Variants in WDR27 observed in about 807,000 individuals in gnomAD.
WDR27 encodes WD repeat domain 27, also known as WD repeat-containing protein 27.
A neutral mutation model predicts 114.4 loss-of-function variants in WDR27; 100 were observed. That is an observed-to-expected ratio of 0.87 (90% CI 0.74 to 1.03). The LOEUF (loss-of-function observed/expected upper bound fraction) is 1.03, where lower values mean the gene tolerates loss of function less well. Among genes scored for constraint, WDR27 ranks in the 50% least tolerant of loss-of-function variants. The probability of loss-of-function intolerance (pLI) is 0.00; values close to 1 mark genes in which losing one functional copy is unlikely to be tolerated. For synonymous variants in WDR27, 449 were observed against 423.1 expected (o/e 1.06, Z -0.75); for missense variants, 1,129 against 1,092.9 (o/e 1.03, Z -0.47).
In WDR27 at chr6:169,659,620, C is replaced by A; in HGVS notation, c.1130-102G>T. On this transcript the variant is annotated intron_variant, in intron 10 of 25. Transcript: ENST00000448612. The surrounding 1 kb of genome is among the most constrained non-coding windows in gnomAD (Gnocchi z 4.3). ...CCACCACACACAGCCCAGAGCCCACCACACACAGTCCAGGCCCCACCACAC... is the reference window on the plus strand; with the variant it reads ...CCACCACACACAGCCCAGAGCCCACAACACACAGTCCAGGCCCCACCACAC... The A allele has an allele frequency of 9.1e-7, 1 of 1,103,960 alleles. No individual in the cohort carries two copies. The highest frequency in any genetic ancestry group is 1.3e-6 in the Non-Finnish European group (1 of 750,712). 68.4% of individuals were successfully genotyped at this position (1,103,960 alleles called of 1,614,324 possible). A position where few individuals can be genotyped will look rare whatever the true frequency, so the allele number is the denominator to read the frequency against.
intron 2 of WDR27, among the ~76,000 whole-genome samples, chr6:169,678,269 G>A (rs560019441): frequency 2.1e-3 from 315 of 152,350 alleles, no homozygotes; most frequent in African/African-American, 6.9e-3. Flanking sequence ...CCCAGGCCTT[G>A]GGAGTCCACC....
rs749979037 is a variant in WDR27, at chr6:169,636,453, C to T, written c.1921G>A (p.Asp641Asn). The change falls in exon 19 of 26, where the codon GAT becomes AAT. Residue 641 changes from aspartate to asparagine, a missense_variant. Asp to Asn is a conservative substitution (Grantham distance 23). Transcript: ENST00000448612. ...PIQSAQFYYI[D>N]AFILLSSGPE... ...CCAGAAGATAACAATATAAAGGCAT[C>T]TATATAATAGAACTGTGCAGACTGT... The T allele has an allele frequency of 1.2e-6, 2 of 1,613,746 alleles. No individual in the cohort carries two copies. Among genetic ancestry groups the T allele is most frequent in the Non-Finnish European group, 1.7e-6 (2 of 1,179,766 alleles).
intron 17 of WDR27, among the ~76,000 whole-genome samples, chr6:169,642,527 G>C (rs1485351083): frequency 6.6e-6 from 1 of 152,166 alleles, no homozygotes; most frequent in Non-Finnish European, 1.5e-5. Context: ...ATAGATATGA[G>C]GTGGGACCAG....
chr6:169,680,339 T>C (rs918495387), intron 2 of WDR27, among the ~76,000 whole-genome samples: 5 of 152,140 alleles, frequency 3.3e-5, no homozygotes, highest in Non-Finnish European at 2.9e-5. Context: ...TCCAAGTACT[T>C]TGGGAGGCCG....
intron 25 of WDR27, among the ~76,000 whole-genome samples, chr6:169,570,953 C>T (rs1199087954): frequency 1.3e-5 from 2 of 152,238 alleles, no homozygotes; most frequent in South Asian, 2.1e-4. Context: ...CTTGCCCTCT[C>T]GGCCAGGCCC....
At chr6:169,514,919 A>C (rs892099253) in intron 25 of WDR27, among the ~76,000 whole-genome samples, 5 of 151,936 alleles carry the variant, frequency 3.3e-5, no homozygotes, top group African/African-American at 1.2e-4. Flanking sequence ...TTAAAAATAA[A>C]TCTACAGCAA....
chr6:169,636,244 A>C (rs1179255584), intron 19 of WDR27, 127 bp downstream of exon 19: 4 of 1,101,828 alleles, frequency 3.6e-6, no homozygotes, highest in Non-Finnish European at 5.1e-6. Flanking sequence ...TCTCATCAAG[A>C]GTTTGGTGAT....
chr6:169,662,608 G>A (rs1477164563), intron 8 of WDR27, among the ~76,000 whole-genome samples, 184 bp from the exon 9 acceptor site: 1 of 146,902 alleles, frequency 6.8e-6, no homozygotes, highest in African/African-American at 2.5e-5. Context: ...GAGTCACTCG[G>A]ATCACGCGTC....
At chr6:169,694,702 G>A (rs1463249188) in intron 1 of WDR27, among the ~76,000 whole-genome samples, 2 of 152,212 alleles carry the variant, frequency 1.3e-5, no homozygotes, top group South Asian at 4.1e-4. Context: ...CAGCTTCACC[G>A]ACACCGTCAG....
chr6:169,639,463 GAAGAA>G (rs768684221), intron 17 of WDR27, among the ~76,000 whole-genome samples: 2 of 149,462 alleles, frequency 1.3e-5, no homozygotes, highest in Non-Finnish European at 3.0e-5. Flanking sequence ...TGTCAACGTT[GAAGAA>G]AAAAGTGAAA....
intron 25 of WDR27, among the ~76,000 whole-genome samples, chr6:169,543,755 A>T (rs1299065905): frequency 6.6e-6 from 1 of 152,172 alleles, no homozygotes; most frequent in Non-Finnish European, 1.5e-5. Context: ...CATGATGAGT[A>T]TATATTTCCT....
intron 25 of WDR27, among the ~76,000 whole-genome samples, chr6:169,461,767 G>C (rs996063853): frequency 5.3e-5 from 8 of 150,958 alleles, no homozygotes; most frequent in African/African-American, 1.9e-4. Flanking sequence ...AGAAAGATCA[G>C]AGCAAAAATA....
At chr6:169,582,328 A>G (rs986772002) in intron 24 of WDR27, among the ~76,000 whole-genome samples, 12 of 152,202 alleles carry the variant, frequency 7.9e-5, no homozygotes, top group African/African-American at 2.9e-4. Flanking sequence ...ATTTTAATAG[A>G]AGACCATTCA....
intron 21 of WDR27, among the ~76,000 whole-genome samples, chr6:169,630,707 A>T (rs540475028): frequency 2.2e-4 from 34 of 152,308 alleles, no homozygotes; most frequent in Non-Finnish European, 3.7e-4. Context: ...TAGCCCGGCC[A>T]ACATGGTGAA....
rs145037400 is a variant in WDR27, at chr6:169,564,481, G to A, written c.2645+7938C>T. Among the ~76,000 whole-genome samples, 288 of 152,306 alleles carry A rather than the reference G, an allele frequency of 1.9e-3. 4 individuals are homozygous for A. Among genetic ancestry groups the A allele is most frequent in the African/African-American group, 6.6e-3 (273 of 41,562 alleles). On this transcript the variant is annotated intron_variant, in intron 25 of 25. Transcript: ENST00000448612. ...CACCATCACGGTGGCACAGGGCAGC[G>A]GCAGGCAACACGAGGCTGTGAGAGC...
chr6:169,653,414 G>C (rs1367155207), intron 13 of WDR27, among the ~76,000 whole-genome samples: 1 of 152,162 alleles, frequency 6.6e-6, no homozygotes, highest in Non-Finnish European at 1.5e-5. Context: ...AAAATGGCAA[G>C]TTTTATTTTA....
At chr6:169,644,500 A>C (rs990000456) in intron 16 of WDR27, among the ~76,000 whole-genome samples, 4 of 146,162 alleles carry the variant, frequency 2.7e-5, no homozygotes, top group Admixed American at 2.0e-4. Context: ...GTCACACTGT[A>C]GAAAAGCCTA....
At chr6:169,472,494 T>C (rs1458062415) in intron 25 of WDR27, among the ~76,000 whole-genome samples, 3 of 152,224 alleles carry the variant, frequency 2.0e-5, no homozygotes, top group Non-Finnish European at 4.4e-5. Context: ...TTTAGGACAA[T>C]TATTGGGGTA....
chr6:169,491,866 C>G (rs1413503331), intron 25 of WDR27, among the ~76,000 whole-genome samples: 2 of 151,816 alleles, frequency 1.3e-5, no homozygotes, highest in Non-Finnish European at 2.9e-5. Flanking sequence ...CATGAGGTCC[C>G]AAAGACTTTG....
Sources: gnomAD v4.1 joint callset for allele counts (sites outside exome capture counted in the v4.1 genomes callset) on GRCh38, gnomAD v4.1.1 for gene constraint, Gnocchi (gnomAD v3.1) non-coding constraint, MANE v1.5 for transcripts, NCBI Gene and HGNC (gene_info 2026-07-23, HGNC 2026-07-21) for gene names.